PKD1L3: variants seen among roughly 807,000 people sequenced by gnomAD.
The protein encoded by PKD1L3 is polycystin-1-like protein 3.
Under a neutral mutation model 184.1 loss-of-function variants are expected in PKD1L3, and 239 were observed. That is an observed-to-expected ratio of 1.30 (90% CI 1.17 to 1.45). The LOEUF is 1.45. Among genes scored for constraint, PKD1L3 ranks in the 40% most tolerant of loss-of-function variants. The pLI is 0.00. For missense variants in PKD1L3, 2,660 were observed against 2,067.2 expected (o/e 1.29, Z -5.56); for synonymous variants, 996 against 778.8 (o/e 1.28, Z -4.64).
intron 2 of PKD1L3, among the ~76,000 whole-genome samples, chr16:71,996,941 A>G (rs1005676348): frequency 3.1e-4 from 42 of 135,728 alleles, no homozygotes; most frequent in African/African-American, 1.7e-4. Flanking sequence ...ACGGACTCCA[A>G]ATTGCTTTGA....
intron 16 of PKD1L3, among the ~76,000 whole-genome samples, chr16:71,962,700 G>C (rs1345860662): frequency 6.6e-6 from 1 of 151,838 alleles, no homozygotes; most frequent in Non-Finnish European, 1.5e-5. Flanking sequence ...GGCTGGTCTT[G>C]AACTCCTGAC....
rs2039981731 is a variant in PKD1L3, at chr16:71,977,590, T to A, written c.1528-123A>T. ...TTTTTTTTTTTTTTTTGAGATGGGG[T>A]CTTGCTATGTTGGCCACGTTGGTCT... On this transcript the variant is annotated intron_variant, in intron 10 of 29. Coordinates refer to ENST00000620267, the MANE Select transcript of PKD1L3 (RefSeq NM_181536.2). 25 of 723,620 alleles carry A rather than the reference T, an allele frequency of 3.5e-5. No homozygotes were observed. In the South Asian group the frequency reaches 3.9e-4, roughly 11 times the overall value. The allele number at this position is 723,620 out of a possible 1,614,324, so 44.8% of individuals were successfully genotyped here. A position where few individuals can be genotyped will look rare whatever the true frequency, so the allele number is the denominator to read the frequency against.
At chr16:71,997,038 T>C (rs1032680330) in intron 2 of PKD1L3, among the ~76,000 whole-genome samples, 1 of 150,112 alleles carries the variant, frequency 6.7e-6, no homozygotes, top group Non-Finnish European at 1.5e-5. Context: ...CTCCCAGTTG[T>C]TGGAGGTTAA....
At position 71,985,807 on chromosome 16, in the gene PKD1L3, T is replaced by A. The variant is rs551933917; in HGVS notation, c.834+414A>T. 2.0e-5 allele frequency among the ~76,000 whole-genome samples: 3 copies of A among 152,252 alleles called. No individual in the cohort carries two copies. The East Asian group carries it at 5.8e-4, about 29-fold the overall frequency. ...GTCTAAAACTCCTGGGCTCAAGTGA[T>A]CCTCTCACCTTGGCCTCCCAAATGC... On this transcript the variant is annotated intron_variant, in intron 5 of 29. Transcript: ENST00000620267.
chr16:71,948,264 G>A (rs747539790), intron 21 of PKD1L3, among the ~76,000 whole-genome samples: 1 of 152,068 alleles, frequency 6.6e-6, no homozygotes, highest in Non-Finnish European at 1.5e-5. Flanking sequence ...TATATTTTTA[G>A]TAGAGACACG....
intron 9 of PKD1L3, among the ~76,000 whole-genome samples, chr16:71,979,114 G>A (rs1196063549): frequency 1.3e-5 from 2 of 152,194 alleles, no homozygotes; most frequent in African/African-American, 4.8e-5. Context: ...TTGGTATACT[G>A]AGTCAATAAT....
chr16:71,950,075 G>A (rs1042310658), intron 20 of PKD1L3, 43 bp downstream of exon 20: 30 of 1,548,874 alleles, frequency 1.9e-5, no homozygotes, highest in Non-Finnish European at 2.4e-5. Flanking sequence ...TAGAGGATGA[G>A]GAAGATTACA....
In PKD1L3 at chr16:71,970,074, T is replaced by A. The variant is rs560835987; in HGVS notation, c.1985A>T (p.Gln662Leu). Residue 662 changes from glutamine to leucine, a missense_variant, in exon 13 of 30, where the codon CAG (glutamine) becomes CTG (leucine). Transcript: ENST00000620267. ...GAAGGTCAGGTGGTTACAGAGACACTGTGTCCTCAGAATTGTGCTCTGTGG... is the reference window on the plus strand; with the variant it reads ...GAAGGTCAGGTGGTTACAGAGACACAGTGTCCTCAGAATTGTGCTCTGTGG... ...VGPQSTILRT[Q>L]CLCNHLTFFA... 3.2e-5 allele frequency: 50 copies of A among 1,551,602 alleles called. No individual in the cohort carries two copies. Among genetic ancestry groups the A allele is most frequent in the Middle Eastern group, 1.7e-4 (1 of 6,014 alleles).
At chr16:71,940,842 CT>C (rs60783588) in intron 24 of PKD1L3, among the ~76,000 whole-genome samples, 119,825 of 149,374 alleles carry the variant, frequency 0.8, 48,266 homozygotes, top group East Asian at 0.98. Flanking sequence ...TTTTTATTGC[CT>C]TTTTTTTTTC....
At chr16:71,986,099 A>T in intron 5 of PKD1L3, 122 bp downstream of exon 5, 1 of 1,290,562 alleles carries the variant, frequency 7.7e-7, no homozygotes, top group Admixed American at 2.6e-5. Flanking sequence ...TTTGTTTTGG[A>T]TTGGCATATA....
chr16:71,949,780 T>C lies in PKD1L3; in HGVS notation c.3618+3A>G. On this transcript the variant is annotated splice_donor_region_variant and intron_variant, in intron 21 of 29. Coordinates refer to ENST00000620267, the MANE Select transcript of PKD1L3 (RefSeq NM_181536.2). ...CCAATGGTTCTTCCCATCCCTCACA[T>C]ACCTTTACTGGCTGGCTGATGAAGA... 1 of 1,548,846 alleles carries C rather than the reference T, an allele frequency of 6.5e-7. No individual in the cohort carries two copies. The highest frequency in any genetic ancestry group is 8.7e-7 in the Non-Finnish European group (1 of 1,145,548).
rs2039970302 is a variant in PKD1L3, at chr16:71,977,398, T to C, written c.1597A>G (p.Thr533Ala). ...TSLNMSTHQL[T>A]ITVNVTSLEK... is the part of the protein sequence containing the mutation. ...AAGGAAGTGACGTTCACTGTGATTG[T>C]AAGCTGATGTGTGCTCATGTTGAGG... The change falls in exon 11 of 30, where the codon ACA becomes GCA. Residue 533 changes from threonine to alanine, a missense_variant. Transcript: ENST00000620267. The C allele has an allele frequency of 1.9e-6, 3 of 1,551,572 alleles. No individual in the cohort carries two copies. Among genetic ancestry groups the C allele is most frequent in the East Asian group, 2.4e-5 (1 of 40,910 alleles).
Position 71,970,013 on chromosome 16 carries a change from C to G in PKD1L3, c.2046G>C (p.Val682=). Residue 682 remains valine (V), a synonymous_variant, in exon 13 of 30, where the codon GTG becomes GTC. Coordinates refer to ENST00000620267, the MANE Select transcript of PKD1L3 (RefSeq NM_181536.2). The part of the protein sequence containing the change: ...ASDFFVVPRT[V]NVEDTIKLFL... Reference sequence around the variant, plus strand: ...ACAGTTTGATCGTGTCTTCAACATTCACGGTCCTGGGCACGACAAAGAAGT... The same window carrying G: ...ACAGTTTGATCGTGTCTTCAACATTGACGGTCCTGGGCACGACAAAGAAGT... The G allele has an allele frequency of 1.3e-6, 2 of 1,551,708 alleles. No individual in the cohort carries two copies. The highest frequency in any genetic ancestry group is 2.4e-5 in the East Asian group (1 of 40,908).
At chr16:71,966,606 T>G (rs9938542) in intron 15 of PKD1L3, among the ~76,000 whole-genome samples, 8,463 of 151,924 alleles carry the variant, frequency 0.056, 770 homozygotes, top group African/African-American at 0.19. Context: ...TTTTTGAAAT[T>G]TTTTTTGTAG....
chr16:71,969,166 G>C (rs574246016), intron 13 of PKD1L3, among the ~76,000 whole-genome samples: 35 of 144,198 alleles, frequency 2.4e-4, no homozygotes, highest in African/African-American at 8.2e-4. Flanking sequence ...CCTGACCTCA[G>C]GTGATCCACC....
chr16:71,945,301 T>C (rs1391570197), intron 22 of PKD1L3, among the ~76,000 whole-genome samples: 19 of 55,688 alleles, frequency 3.4e-4, no homozygotes, highest in African/African-American at 1.3e-3. Flanking sequence ...TATATATATA[T>C]ATATACACAC....
In PKD1L3 at chr16:71,953,068, A is replaced by G; in HGVS notation, c.2835T>C (p.Ser945=). ...CAGTATGGATGCTGACCAGCAGTTC[A>G]GACCAGGCCACAGCAAATGGACGCA... ...EQMRPFAVAW[S]ELLVSIHTAV... Residue 945 remains serine (S), a synonymous_variant, in exon 18 of 30, where the codon TCT becomes TCC. Transcript: ENST00000620267. The G allele has an allele frequency of 6.7e-7, 1 of 1,495,892 alleles. No individual in the cohort carries two copies. Among genetic ancestry groups the G allele is most frequent in the African/African-American group, 1.4e-5 (1 of 69,898 alleles). 92.7% of individuals were successfully genotyped at this position (1,495,892 alleles called of 1,614,324 possible). A position where few individuals can be genotyped will look rare whatever the true frequency, so the allele number is the denominator to read the frequency against.
intron 24 of PKD1L3, among the ~76,000 whole-genome samples, chr16:71,940,103 G>C (rs1466362063): frequency 7.1e-6 from 1 of 141,806 alleles, no homozygotes; most frequent in African/African-American, 2.6e-5. Flanking sequence ...ACTGAAAATA[G>C]CATCAACTGA....
At chr16:71,957,352 C>G (rs1375450959) in intron 16 of PKD1L3, among the ~76,000 whole-genome samples, 1 of 152,116 alleles carries the variant, frequency 6.6e-6, no homozygotes, top group South Asian at 2.1e-4. Flanking sequence ...AGATATAAAC[C>G]TTACCTTATT....
Sources: allele counts gnomAD v4.1 joint callset (sites outside exome capture counted in the v4.1 genomes callset), GRCh38; gene constraint gnomAD v4.1.1; transcripts MANE v1.5; gene names NCBI Gene and HGNC (gene_info 2026-07-23, HGNC 2026-07-21).